The following PTGER3 variants were observed in gnomAD, a reference collection of about 807,000 sequenced individuals.
The protein encoded by PTGER3 is prostaglandin E2 receptor EP3 subtype.
PTGER3 carries 22 observed loss-of-function variants against 34.7 expected under a neutral mutation model. That is an observed-to-expected ratio of 0.63 (90% CI 0.45 to 0.91). The LOEUF (loss-of-function observed/expected upper bound fraction) is 0.91. PTGER3 is among the 40% of genes least tolerant of loss of function. PTGER3 has a pLI of 0.00. For synonymous variants in PTGER3, 241 were observed against 230.1 expected (o/e 1.05, Z -0.43); for missense variants, 468 against 519.4 (o/e 0.90, Z 0.96).
chr1:71,002,524 A>G (rs535441093), intron 2 of PTGER3, among the ~76,000 whole-genome samples: 1 of 152,346 alleles, frequency 6.6e-6, no homozygotes, highest in South Asian at 2.1e-4. Flanking sequence ...ATTTTAAATT[A>G]CATATGGCCA....
At chr1:71,023,767 C>G (rs1176717300) in intron 1 of PTGER3, among the ~76,000 whole-genome samples, 2 of 151,660 alleles carry the variant, frequency 1.3e-5, no homozygotes, top group African/African-American at 2.4e-5. Flanking sequence ...CACATTCCAC[C>G]ACATTCACCA....
chr1:70,988,291 T>C (rs1655110291), intron 2 of PTGER3, among the ~76,000 whole-genome samples: 1 of 152,140 alleles, frequency 6.6e-6, no homozygotes, highest in African/African-American at 2.4e-5. Context: ...TATGGGTACA[T>C]AAAATAAGGA....
At chr1:71,009,089 G>A in intron 2 of PTGER3, 2 of 985,082 alleles carry the variant, frequency 2.0e-6, no homozygotes, top group African/African-American at 3.5e-5. Context: ...ATAATTTGGA[G>A]TCAAAAAGAA....
chr1:70,953,934 T>C (rs1003400059), intron 2 of PTGER3: 5 of 475,334 alleles, frequency 1.1e-5, no homozygotes, highest in African/African-American at 8.2e-5. Flanking sequence ...TAGCAAAAGA[T>C]AAACAACATG....
chr1:70,926,701 G>A (rs1359293100), intron 4 of PTGER3, among the ~76,000 whole-genome samples: 4 of 151,824 alleles, frequency 2.6e-5, no homozygotes, highest in Non-Finnish European at 5.9e-5. Context: ...GTCCTGGCCA[G>A]AACTTCCAAC....
chr1:70,866,914 C>G (rs1359808215), intron 4 of PTGER3, among the ~76,000 whole-genome samples: 2 of 152,216 alleles, frequency 1.3e-5, no homozygotes, highest in Non-Finnish European at 2.9e-5. Context: ...AAACTACTCT[C>G]TCTGTCTCCA....
intron 1 of PTGER3, among the ~76,000 whole-genome samples, chr1:71,032,217 C>T (rs1437716933): frequency 1.3e-5 from 2 of 152,266 alleles, no homozygotes; most frequent in South Asian, 2.1e-4. Context: ...GTGAGATTTT[C>T]GTCTTATAAG....
chr1:70,891,574 G>T (rs1646618757), intron 4 of PTGER3, among the ~76,000 whole-genome samples: 1 of 152,042 alleles, frequency 6.6e-6, no homozygotes, highest in Admixed American at 6.5e-5. Flanking sequence ...GACATCAAAT[G>T]ATCTTTACTG....
chr1:70,883,238 C>T (rs920011346), intron 4 of PTGER3, among the ~76,000 whole-genome samples: 3 of 152,104 alleles, frequency 2.0e-5, no homozygotes, highest in Non-Finnish European at 2.9e-5. Flanking sequence ...ACCTATTTAA[C>T]GTAATTTTGG....
intron 4 of PTGER3, among the ~76,000 whole-genome samples, chr1:70,936,361 G>T (rs1649230051): frequency 6.6e-6 from 1 of 152,088 alleles, no homozygotes; most frequent in Non-Finnish European, 1.5e-5. Context: ...TGTGAGAGTA[G>T]TAGTGGCATG....
chr1:70,942,045 G>A (rs1649808737), intron 4 of PTGER3, among the ~76,000 whole-genome samples: 1 of 152,036 alleles, frequency 6.6e-6, no homozygotes, highest in African/African-American at 2.4e-5. Flanking sequence ...AGCTGGGAAG[G>A]GGTTATCCAG....
At position 70,952,923 on chromosome 1, in the gene PTGER3, G is replaced by A. The variant is rs1650906024; in HGVS notation, c.1241C>T (p.Thr414Ile). 2.5e-6 allele frequency: 4 copies of A among 1,609,798 alleles called. No homozygotes were observed. The Admixed American group carries it at 5.0e-5, about 20-fold the overall frequency. The change falls in exon 4 of 4, where the codon ACA becomes ATA. Residue 414 changes from threonine (T) to isoleucine (I), a missense_variant. Thr to Ile is a moderately conservative substitution (Grantham distance 89). Coordinates refer to the PTGER3 transcript ENST00000356595. Reference sequence around the variant, plus strand: ...TTCTTCATGTTATTCTGTCTTTACTGTTGAGATTCTGGTGTACACATTAAT... The same window carrying A: ...TTCTTCATGTTATTCTGTCTTTACTATTGAGATTCTGGTGTACACATTAAT...
chr1:71,025,712 A>G (rs1426401479), intron 1 of PTGER3, among the ~76,000 whole-genome samples: 2 of 152,232 alleles, frequency 1.3e-5, no homozygotes, highest in African/African-American at 4.8e-5. Context: ...AGTGAGTTGC[A>G]GGAATGTCTT....
At chr1:70,930,720 G>A (rs1648602512) in intron 4 of PTGER3, among the ~76,000 whole-genome samples, 1 of 152,100 alleles carries the variant, frequency 6.6e-6, no homozygotes, top group Admixed American at 6.6e-5. Flanking sequence ...TCACTACCAT[G>A]AGAACAGCAT....
intron 2 of PTGER3, among the ~76,000 whole-genome samples, chr1:70,986,806 C>A (rs931838418): frequency 6.6e-6 from 1 of 152,162 alleles, no homozygotes; most frequent in Non-Finnish European, 1.5e-5. Flanking sequence ...TGAAAGACAA[C>A]ATTTGCCTCA....
intron 1 of PTGER3, among the ~76,000 whole-genome samples, chr1:71,020,911 G>A (rs181379133): frequency 1.6e-4 from 25 of 152,120 alleles, no homozygotes; most frequent in Admixed American, 1.6e-3. Flanking sequence ...CACTTACTGT[G>A]TATCGTCTCC....
chr1:71,014,778 A>G (rs1286976407), intron 1 of PTGER3, among the ~76,000 whole-genome samples: 1 of 152,182 alleles, frequency 6.6e-6, no homozygotes, highest in African/African-American at 2.4e-5. Context: ...CTGCTGTTTA[A>G]GCCATCAAGT....
chr1:71,018,017 G>A (rs370083100), intron 1 of PTGER3, among the ~76,000 whole-genome samples: 50 of 152,186 alleles, frequency 3.3e-4, no homozygotes, highest in Middle Eastern at 6.8e-3. Context: ...CACCCGTCTC[G>A]ACCTTCCAAA....
chr1:70,880,938 TA>T (rs763726959), intron 4 of PTGER3, among the ~76,000 whole-genome samples: 1 of 151,952 alleles, frequency 6.6e-6, no homozygotes, highest in Non-Finnish European at 1.5e-5. Context: ...TTCCTGGATT[TA>T]AATGTTGGCC....
Sources: gnomAD v4.1 joint callset for allele counts (sites outside exome capture counted in the v4.1 genomes callset) on GRCh38, gnomAD v4.1.1 for gene constraint, MANE v1.5 for transcripts, NCBI Gene and HGNC (gene_info 2026-07-23, HGNC 2026-07-21) for gene names.